The following PBX1 variants were observed in gnomAD, a reference collection of about 807,000 sequenced individuals.
PBX1 encodes the protein PBX homeobox 1, also known as pre-B-cell leukemia transcription factor 1.
Under a neutral mutation model 53.4 loss-of-function variants are expected in PBX1, and 6 were observed. The ratio of observed to expected loss-of-function variants is 0.11; its 90% CI spans 0.06 to 0.22. PBX1 has a LOEUF of 0.22. PBX1 is among the 10% of genes least tolerant of loss of function. PBX1 has a pLI of 1.00. For synonymous variants in PBX1, 204 were observed against 212.3 expected, an observed-to-expected ratio of 0.96 and a Z score of 0.34; for missense variants, 251 against 551.4, an observed-to-expected ratio of 0.46 and a Z score of 5.46.
At chr1:164,758,352 G>A (rs1046432271) in intron 2 of PBX1, among the ~76,000 whole-genome samples, 2 of 152,086 alleles carry the variant, frequency 1.3e-5, no homozygotes, top group Non-Finnish European at 2.9e-5. Context: ...AATCCCACTC[G>A]AGTGACTGCA....
intron 2 of PBX1, among the ~76,000 whole-genome samples, chr1:164,593,115 A>C (rs1263645532): frequency 4.6e-5 from 7 of 151,792 alleles, no homozygotes; most frequent in Non-Finnish European, 4.4e-5. Flanking sequence ...GTGCCACCAC[A>C]CCCAGCTAAT....
chr1:164,689,603 A>G (rs978354896), intron 2 of PBX1, among the ~76,000 whole-genome samples: 6 of 152,228 alleles, frequency 3.9e-5, no homozygotes, highest in African/African-American at 1.4e-4. Flanking sequence ...AGAGGGAATG[A>G]GAAGGACCTG....
intron 2 of PBX1, among the ~76,000 whole-genome samples, chr1:164,690,093 C>T (rs1374762034): frequency 6.6e-6 from 1 of 152,174 alleles, no homozygotes; most frequent in East Asian, 1.9e-4. Flanking sequence ...TAGAATGAAA[C>T]TAGCATTAGA....
At position 164,880,407 on chromosome 1, in the gene PBX1, G is replaced by A. The variant is rs75059342; in HGVS notation, n.258-18781G>A. ...GTGCTACAGCATGTCTGCAAAGGAA[G>A]TATTTCTTCACAGTGATTATTATGA... On this transcript the variant is annotated intron_variant and non_coding_transcript_variant, in intron 2 of 2. Coordinates refer to the PBX1 transcript ENST00000558796. Among the ~76,000 whole-genome samples, 130 of 152,328 alleles carry A rather than the reference G, an allele frequency of 8.5e-4. 5 individuals are homozygous for A. The East Asian group carries it at 0.025, about 29-fold the overall frequency.
chr1:164,699,184 C>T (rs1288598608), intron 2 of PBX1, among the ~76,000 whole-genome samples: 1 of 152,114 alleles, frequency 6.6e-6, no homozygotes, highest in African/African-American at 2.4e-5. Flanking sequence ...CAAATAATGT[C>T]CAAGATCCCT....
intron 2 of PBX1, among the ~76,000 whole-genome samples, chr1:164,884,289 T>C (rs185144176): frequency 6.6e-6 from 1 of 152,338 alleles, no homozygotes; most frequent in African/African-American, 2.4e-5. Flanking sequence ...TTTTTCCATA[T>C]TATATGAATG....
chr1:164,861,730 AT>A (rs1672102959), intron 2 of PBX1, among the ~76,000 whole-genome samples: 1 of 152,302 alleles, frequency 6.6e-6, no homozygotes, highest in African/African-American at 2.4e-5. Context: ...GGTCCAGAGG[AT>A]TGACTAAAAA....
intron 2 of PBX1, among the ~76,000 whole-genome samples, chr1:164,874,110 G>C (rs1283549261): frequency 6.6e-6 from 1 of 152,154 alleles, no homozygotes; most frequent in African/African-American, 2.4e-5. Flanking sequence ...GTGAGCAGCT[G>C]ATAAGGAGGC....
chr1:164,824,704 C>T (rs779139597), intron 8 of PBX1, among the ~76,000 whole-genome samples: 1 of 152,048 alleles, frequency 6.6e-6, no homozygotes, highest in Non-Finnish European at 1.5e-5. Flanking sequence ...AATTATACCT[C>T]CTTAAGTACT....
At chr1:164,749,599 C>T (rs1055202389) in intron 2 of PBX1, among the ~76,000 whole-genome samples, 1 of 152,118 alleles carries the variant, frequency 6.6e-6, no homozygotes, top group African/African-American at 2.4e-5. Flanking sequence ...ATGATTAACC[C>T]ACTGTTATTA....
At chr1:164,640,485 T>A (rs916588125) in intron 2 of PBX1, among the ~76,000 whole-genome samples, 3 of 151,886 alleles carry the variant, frequency 2.0e-5, no homozygotes, top group African/African-American at 7.3e-5. Context: ...GGAAACGATG[T>A]GATGACACTA....
rs1007398316 is a variant in PBX1 at position 164,608,411 on chromosome 1, A to G, written c.265+45100A>G. 3.3e-5 allele frequency among the ~76,000 whole-genome samples: 5 copies of G among 152,154 alleles called. No individual in the cohort carries two copies. The East Asian group carries it at 9.6e-4, about 29-fold the overall frequency. On this transcript the variant is annotated intron_variant, in intron 2 of 8. Transcript: ENST00000420696. ...GTCATCCTGCCTTCCACCTATGCGGAGTGTACTGGTTAACACAAAGTCTCT... is the reference window on the plus strand; with the variant it reads ...GTCATCCTGCCTTCCACCTATGCGGGGTGTACTGGTTAACACAAAGTCTCT...
downstream of PBX1, among the ~76,000 whole-genome samples, chr1:164,856,767 C>G (rs921486266): frequency 6.6e-6 from 1 of 152,190 alleles, no homozygotes; most frequent in Non-Finnish European, 1.5e-5. Flanking sequence ...ATTTTCCCCT[C>G]TCAAATGTGT....
intron 2 of PBX1, among the ~76,000 whole-genome samples, chr1:164,590,836 T>C (rs928708542): frequency 1.3e-5 from 2 of 151,952 alleles, no homozygotes; most frequent in African/African-American, 4.8e-5. Context: ...CTTCCAGACA[T>C]TTATTGAGGT....
intron 3 of PBX1, among the ~76,000 whole-genome samples, chr1:164,798,555 ATAGGAAGGGCTCAGGCCCTACCTC>A (rs1040080268): frequency 2.0e-5 from 3 of 152,218 alleles, no homozygotes; most frequent in Admixed American, 1.3e-4. Context: ...CTGGCCTAAA[ATAGGAAGGGCTCAGGCCCTACCTC>A]TGCCTCTTCA....
intron 2 of PBX1, among the ~76,000 whole-genome samples, chr1:164,724,670 ATTTTTTTTTTTTTTTTTTTTTTTTT>A (rs59042806): frequency 8.3e-5 from 4 of 48,234 alleles, no homozygotes; most frequent in Admixed American, 7.4e-4. Context: ...ATAGCTGCAG[ATTTTTTTTTTTTTTTTTTTTTTTTT>A]TTTTTTTTTT....
chr1:164,576,253 C>G (rs1654224633), intron 2 of PBX1, among the ~76,000 whole-genome samples: 1 of 152,204 alleles, frequency 6.6e-6, no homozygotes, highest in Non-Finnish European at 1.5e-5. Context: ...TCGCCTGAGT[C>G]TTGCTGTAAG....
intron 2 of PBX1, among the ~76,000 whole-genome samples, chr1:164,660,201 G>A (rs1329361072): frequency 6.6e-6 from 1 of 152,210 alleles, no homozygotes; most frequent in Non-Finnish European, 1.5e-5. Context: ...CAAGGTTTAA[G>A]CAAACTGGAG....
chr1:164,629,463 C>A (rs1658267510), intron 2 of PBX1, among the ~76,000 whole-genome samples: 1 of 152,094 alleles, frequency 6.6e-6, no homozygotes, highest in Non-Finnish European at 1.5e-5. Context: ...CTCCCTGACT[C>A]ATGGAATATT....
Sources: allele counts gnomAD v4.1 joint callset (sites outside exome capture counted in the v4.1 genomes callset), GRCh38; gene constraint gnomAD v4.1.1; transcripts MANE v1.5; gene names NCBI Gene and HGNC (gene_info 2026-07-23, HGNC 2026-07-21).